Variants in B4GALT5 observed in about 807,000 individuals in gnomAD.
B4GALT5 encodes beta-1,4-galactosyltransferase 5, also known as UDP-Gal:beta-GlcNAc beta-1,4-galactosyltransferase 5.
Under a neutral mutation model 45.0 loss-of-function variants are expected in B4GALT5, and 11 were observed. The observed-to-expected ratio is 0.24, with a 90% confidence interval of 0.15 to 0.40. The LOEUF is 0.40. Among genes scored for constraint, B4GALT5 ranks in the 10% least tolerant of loss-of-function variants. The pLI, the probability that B4GALT5 is intolerant of heterozygous loss-of-function variation, is 1.00. For synonymous variants in B4GALT5, 185 were observed against 182.9 expected, an observed-to-expected ratio of 1.01 and a Z score of -0.09; for missense variants, 337 against 500.2, an observed-to-expected ratio of 0.67 and a Z score of 3.11.
In B4GALT5 at chr20:49,669,764, C is replaced by T. The variant is rs530338575; in HGVS notation, c.116-13062G>A. ...TGTGATAGCCGGAGGAGTTGCCTTG[C>T]TTTTTTAAGGTAGAAGTATACTGGT... On this transcript the variant is annotated intron_variant, in intron 1 of 8. Coordinates refer to ENST00000371711, the MANE Select transcript of B4GALT5 (RefSeq NM_004776.4). Among the ~76,000 whole-genome samples the T allele has an allele frequency of 1.3e-3, 200 of 151,202 alleles. 5 individuals carry two copies. In the Middle Eastern group the frequency reaches 0.024, roughly 18 times the overall value.
chr20:49,636,937 A>ACACACAC (rs1568713576), intron 8 of B4GALT5, among the ~76,000 whole-genome samples: 2 of 64,818 alleles, frequency 3.1e-5, no homozygotes, highest in African/African-American at 4.8e-5. Context: ...CACACACACA[A>ACACACAC]AGAAAGAAAA....
At chr20:49,673,059 C>G (rs537794838) in intron 1 of B4GALT5, among the ~76,000 whole-genome samples, 6 of 152,180 alleles carry the variant, frequency 3.9e-5, no homozygotes, top group African/African-American at 9.6e-5. Context: ...TCGAATCAAG[C>G]TCTTAGACTT....
intron 1 of B4GALT5, among the ~76,000 whole-genome samples, chr20:49,698,218 G>A (rs530166480): frequency 2.4e-4 from 37 of 152,232 alleles, no homozygotes; most frequent in African/African-American, 8.9e-4. Flanking sequence ...AGATACTCGG[G>A]AGGCTGAGGT....
At chr20:49,701,908 TAAAAA>T (rs951375120) in intron 1 of B4GALT5, among the ~76,000 whole-genome samples, 1 of 151,616 alleles carries the variant, frequency 6.6e-6, no homozygotes, top group Non-Finnish European at 1.5e-5. Context: ...CTACCAAAAA[TAAAAA>T]AATTAGCTGG....
intron 1 of B4GALT5, among the ~76,000 whole-genome samples, chr20:49,673,828 G>A (rs1476299874): frequency 2.6e-5 from 4 of 152,066 alleles, no homozygotes; most frequent in Non-Finnish European, 5.9e-5. Context: ...AGAAAGCAGA[G>A]CCACAGTTCA....
At chr20:49,691,425 G>A (rs2085811211) in intron 1 of B4GALT5, among the ~76,000 whole-genome samples, 1 of 152,128 alleles carries the variant, frequency 6.6e-6, no homozygotes, top group Non-Finnish European at 1.5e-5. Context: ...GGAGGTTAAG[G>A]TGGGAGGATC....
Position 49,640,565 on chromosome 20 carries a change from T to A in B4GALT5, c.707A>T (p.Asp236Val). Residue 236 changes from aspartate (D) to valine (V), a missense_variant, in exon 6 of 9, where the codon GAT becomes GTT. Physicochemically the swap from Asp to Val is radical, Grantham distance 152. Coordinates refer to ENST00000371711, the MANE Select transcript of B4GALT5 (RefSeq NM_004776.4). The stretch of plus-strand genomic sequence containing the variant: ...GTTGCGATCACTTTCCGGTATGTGA[T>A]CTACATCATGAAAAATCAAACAGTC... ...DWDCLIFHDV[D>V]HIPESDRNYY... is the part of the protein sequence containing the mutation. 6.2e-7 allele frequency: 1 copy of A among 1,614,046 alleles called. No homozygotes were observed. Among genetic ancestry groups the A allele is most frequent in the Non-Finnish European group, 8.5e-7 (1 of 1,180,004 alleles).
intron 1 of B4GALT5, among the ~76,000 whole-genome samples, chr20:49,665,293 C>T (rs909475345): frequency 6.6e-5 from 10 of 151,152 alleles, no homozygotes; most frequent in African/African-American, 2.2e-4. Flanking sequence ...TGATGGCGTA[C>T]TCCCAAGCTA....
chr20:49,686,523 T>TA (rs543904614), intron 1 of B4GALT5, among the ~76,000 whole-genome samples: 3,576 of 148,832 alleles, frequency 0.024, 81 homozygotes, highest in African/African-American at 0.057. Flanking sequence ...AGCCAATGGT[T>TA]AAAAAAAAAA....
At chr20:49,703,917 A>G (rs1188600611) in intron 1 of B4GALT5, among the ~76,000 whole-genome samples, 1 of 152,068 alleles carries the variant, frequency 6.6e-6, no homozygotes, top group Admixed American at 6.6e-5. Context: ...CAGATTCAAA[A>G]TAACTATATC....
At chr20:49,687,223 G>T (rs1374338870) in intron 1 of B4GALT5, among the ~76,000 whole-genome samples, 4 of 152,204 alleles carry the variant, frequency 2.6e-5, no homozygotes, top group Non-Finnish European at 5.9e-5. Flanking sequence ...ACAGTGCCAA[G>T]GTTGAGAAAC....
intron 1 of B4GALT5, among the ~76,000 whole-genome samples, chr20:49,672,043 T>G (rs755758425): frequency 7.2e-5 from 11 of 152,206 alleles, no homozygotes; most frequent in Non-Finnish European, 1.6e-4. Context: ...CTAAAGCTCT[T>G]GGTGCTTCTA....
At chr20:49,670,240 C>CT (rs1274550892) in intron 1 of B4GALT5, among the ~76,000 whole-genome samples, 10 of 152,172 alleles carry the variant, frequency 6.6e-5, no homozygotes, top group African/African-American at 2.4e-4. Flanking sequence ...TTAGCATAGA[C>CT]TATCACATTT....
rs1228614860 is a variant in B4GALT5, at chr20:49,679,985, A to C, written c.116-23283T>G. ...ACGCTCTCCAAGATACCTCTCACTAAATACATTTATCACATTCCAGAAGAA... is the reference window on the plus strand; with the variant it reads ...ACGCTCTCCAAGATACCTCTCACTACATACATTTATCACATTCCAGAAGAA... On this transcript the variant is annotated intron_variant, in intron 1 of 8. Transcript: ENST00000371711. Among the ~76,000 whole-genome samples the C allele has an allele frequency of 2.0e-5, 3 of 152,202 alleles. No individual in the cohort carries two copies. In the East Asian group the frequency reaches 5.8e-4, roughly 29 times the overall value.
intron 1 of B4GALT5, among the ~76,000 whole-genome samples, chr20:49,667,326 T>G (rs2085695586): frequency 6.6e-6 from 1 of 151,316 alleles, no homozygotes. Flanking sequence ...CTCAGCTCAC[T>G]GCAGGCTGCG....
At chr20:49,696,215 C>G (rs1003879035) in intron 1 of B4GALT5, among the ~76,000 whole-genome samples, 20 of 152,230 alleles carry the variant, frequency 1.3e-4, no homozygotes, top group African/African-American at 4.6e-4. Context: ...GAAAAAATAA[C>G]AATCTAGAGA....
At chr20:49,649,093 A>C (rs6091021) in intron 2 of B4GALT5, among the ~76,000 whole-genome samples, 70,937 of 151,996 alleles carry the variant, frequency 0.47, 17,540 homozygotes, top group South Asian at 0.65. Flanking sequence ...TTATATATGC[A>C]CACGGCTGCC....
At chr20:49,646,573 C>T (rs1001756793) in intron 3 of B4GALT5, among the ~76,000 whole-genome samples, 1 of 152,162 alleles carries the variant, frequency 6.6e-6, no homozygotes, top group African/African-American at 2.4e-5. Context: ...TCGCAGGCTA[C>T]ACCATCTAGA....
chr20:49,636,029 G>T lies in B4GALT5; in HGVS notation c.*283C>A. ...GACTGCGGCTAAGACAGGATGTGGGGTAGGAGATGGGGAGAGAGCAGCGGG... is the reference window on the plus strand; with the variant it reads ...GACTGCGGCTAAGACAGGATGTGGGTTAGGAGATGGGGAGAGAGCAGCGGG... On this transcript the variant is annotated 3_prime_UTR_variant, in exon 9 of 9. Coordinates refer to ENST00000371711, the MANE Select transcript of B4GALT5 (RefSeq NM_004776.4). The T allele has an allele frequency of 2.5e-6, 1 of 400,702 alleles. No homozygotes were observed. Among genetic ancestry groups the T allele is most frequent in the Non-Finnish European group, 4.7e-6 (1 of 213,680 alleles). The allele number at this position is 400,702 out of a possible 1,614,324, so 24.8% of individuals were successfully genotyped here. A position where few individuals can be genotyped will look rare whatever the true frequency, so the allele number is the denominator to read the frequency against.
Sources: gnomAD v4.1 joint callset for allele counts (sites outside exome capture counted in the v4.1 genomes callset) on GRCh38, gnomAD v4.1.1 for gene constraint, MANE v1.5 for transcripts, NCBI Gene and HGNC (gene_info 2026-07-23, HGNC 2026-07-21) for gene names.